NGLY1: variants seen among roughly 807,000 people sequenced by gnomAD.
NGLY1 encodes peptide-N(4)-(N-acetyl-beta-glucosaminyl)asparagine amidase.
In NGLY1, 68 loss-of-function variants were observed where a neutral mutation model predicts 84.6. That is an observed-to-expected ratio of 0.80 (90% CI 0.66 to 0.98). The LOEUF (loss-of-function observed/expected upper bound fraction) is 0.98, where lower values mean the gene tolerates loss of function less well. Among genes scored for constraint, NGLY1 ranks in the 50% least tolerant of loss-of-function variants. NGLY1 has a pLI of 0.00. For missense variants in NGLY1, 779 were observed against 770.2 expected (o/e 1.01, Z -0.14); for synonymous variants, 280 against 275.2 (o/e 1.02, Z -0.17).
At chr3:25,767,762 T>C (rs1326242199) in intron 2 of NGLY1, among the ~76,000 whole-genome samples, 1 of 152,186 alleles carries the variant, frequency 6.6e-6, no homozygotes, top group East Asian at 1.9e-4. Flanking sequence ...GATATCCATA[T>C]GCAGAGGAAT....
chr3:25,737,611 C>G (rs558645023), intron 5 of NGLY1, among the ~76,000 whole-genome samples, 156 bp from the exon 6 acceptor site: 2 of 150,686 alleles, frequency 1.3e-5, no homozygotes, highest in Admixed American at 6.6e-5. Context: ...GGCGCAATCT[C>G]GGCTCACTGC....
upstream of NGLY1, among the ~76,000 whole-genome samples, chr3:25,784,928 A>T (rs905248480): frequency 1.3e-5 from 2 of 152,182 alleles, no homozygotes; most frequent in East Asian, 3.8e-4. Flanking sequence ...CAGTGGACCC[A>T]GTCTCCTTCC....
chr3:25,774,289 T>A (rs9875925), intron 2 of NGLY1, among the ~76,000 whole-genome samples: 5,801 of 152,262 alleles, frequency 0.038, 345 homozygotes, highest in African/African-American at 0.13. Flanking sequence ...GCTGCAGTAG[T>A]ATCAAGAAGA....
At chr3:25,766,520 G>C (rs1707581498) in intron 2 of NGLY1, among the ~76,000 whole-genome samples, 1 of 152,198 alleles carries the variant, frequency 6.6e-6, no homozygotes, top group South Asian at 2.1e-4. Context: ...CCATGAGCTT[G>C]CACAAATAGT....
chr3:25,728,731 C>T (rs1403959488), intron 10 of NGLY1, among the ~76,000 whole-genome samples: 1 of 151,908 alleles, frequency 6.6e-6, no homozygotes, highest in Non-Finnish European at 1.5e-5. Context: ...ATTATACTCC[C>T]TAAATAGCCT....
upstream of NGLY1, chr3:25,783,603 G>C (rs1010359108): frequency 9.9e-6 from 4 of 403,036 alleles, no homozygotes; most frequent in African/African-American, 9.1e-5. This position sits in a 1 kb window ranked among gnomAD's most constrained non-coding sequence, Gnocchi z 4.5. Context: ...GGCAGGGGCG[G>C]GGTCGGGGGC....
chr3:25,741,759 G>A (rs573709235), intron 4 of NGLY1, among the ~76,000 whole-genome samples: 1 of 152,230 alleles, frequency 6.6e-6, no homozygotes, highest in African/African-American at 2.4e-5. Flanking sequence ...AGGAGGCTGA[G>A]GTGGGAGGAT....
At chr3:25,738,867 C>T (rs534200753) in intron 5 of NGLY1, among the ~76,000 whole-genome samples, 26 of 152,138 alleles carry the variant, frequency 1.7e-4, no homozygotes, top group South Asian at 1.7e-3. Flanking sequence ...GATAATACAA[C>T]CAGACTTTAT....
chr3:25,739,520 T>A (rs554875318), intron 5 of NGLY1, 57 bp downstream of exon 5: 7 of 1,493,312 alleles, frequency 4.7e-6, no homozygotes, highest in Non-Finnish European at 5.5e-6. Context: ...TAGTAAAAAC[T>A]CTCTTCTAAC....
intron 3 of NGLY1, among the ~76,000 whole-genome samples, chr3:25,761,049 T>A (rs1360700242): frequency 1.3e-5 from 2 of 152,164 alleles, no homozygotes; most frequent in African/African-American, 4.8e-5. Context: ...ACTTTTATAA[T>A]TTCAATGAAA....
intron 2 of NGLY1, among the ~76,000 whole-genome samples, chr3:25,776,750 T>C (rs985622844): frequency 2.0e-5 from 3 of 152,208 alleles, no homozygotes; most frequent in African/African-American, 4.8e-5. Flanking sequence ...TTCCCTTATA[T>C]CTTACATCTA....
intron 10 of NGLY1, among the ~76,000 whole-genome samples, chr3:25,723,308 A>G (rs1196420662): frequency 6.6e-6 from 1 of 152,244 alleles, no homozygotes; most frequent in Non-Finnish European, 1.5e-5. Flanking sequence ...AAGTTAAAGA[A>G]TAAGATAGAG....
intron 10 of NGLY1, among the ~76,000 whole-genome samples, chr3:25,723,751 A>G (rs1705122081): frequency 6.6e-6 from 1 of 152,238 alleles, no homozygotes; most frequent in Admixed American, 6.5e-5. Flanking sequence ...TGGCTTTAAA[A>G]AATTTTTTTT....
rs1425764352 is a variant in NGLY1, at chr3:25,772,535, T to A, written c.246+6039A>T. 2.6e-5 allele frequency among the ~76,000 whole-genome samples: 4 copies of A among 152,340 alleles called. No homozygotes were observed. In the East Asian group the frequency reaches 5.8e-4, roughly 22 times the overall value. ...TACCTTAAGTTTATGTTAGTCTTTA[T>A]GTATTAAGTGAGTCTCTTAGAGACA... On this transcript the variant is annotated intron_variant, in intron 2 of 11. Coordinates refer to ENST00000280700, the MANE Select transcript of NGLY1 (RefSeq NM_018297.4).
intron 3 of NGLY1, chr3:25,755,332 TA>T: frequency 7.5e-7 from 1 of 1,341,182 alleles, no homozygotes; most frequent in Non-Finnish European, 1.1e-6. Flanking sequence ...AAAAGGGACC[TA>T]ACCAAGGGAG....
At chr3:25,749,182 T>C (rs1002438162) in intron 4 of NGLY1, among the ~76,000 whole-genome samples, 1 of 152,196 alleles carries the variant, frequency 6.6e-6, no homozygotes, top group African/African-American at 2.4e-5. Context: ...GAAAACAGTA[T>C]GGTGGTTCCT....
intron 11 of NGLY1, 145 bp downstream of exon 11, chr3:25,719,869 C>A: frequency 2.8e-6 from 2 of 719,564 alleles, no homozygotes; most frequent in Non-Finnish European, 4.2e-6. Flanking sequence ...TGGGATCACA[C>A]AGGGTTTATT....
intron 8 of NGLY1, 145 bp downstream of exon 8, chr3:25,733,727 C>A: frequency 2.3e-6 from 1 of 429,098 alleles, no homozygotes; most frequent in African/African-American, 2.0e-5. Flanking sequence ...TATTTTTATT[C>A]TTTAATATTC....
chr3:25,769,016 A>T (rs1363302321), intron 2 of NGLY1, among the ~76,000 whole-genome samples: 2 of 152,192 alleles, frequency 1.3e-5, no homozygotes, highest in Non-Finnish European at 2.9e-5. Flanking sequence ...GAACCAGACT[A>T]TAAAAGGAAC....
Sources: gnomAD v4.1 joint callset for allele counts (sites outside exome capture counted in the v4.1 genomes callset) on GRCh38, gnomAD v4.1.1 for gene constraint, Gnocchi (gnomAD v3.1) non-coding constraint, MANE v1.5 for transcripts, NCBI Gene and HGNC (gene_info 2026-07-23, HGNC 2026-07-21) for gene names.